The following DCD variants were observed in gnomAD, a reference collection of about 807,000 sequenced individuals.
DCD encodes the protein diffusible survival/evasion peptide.
In DCD, 17 loss-of-function variants were observed where a neutral mutation model predicts 14.5. That is an observed-to-expected ratio of 1.18 (90% CI 0.81 to 1.76). The LOEUF is 1.76. Among genes scored for constraint, DCD ranks in the 40% most tolerant of loss-of-function variants. DCD has a pLI of 0.00. For missense variants in DCD, 139 were observed against 133.4 expected (o/e 1.04, Z -0.21); for synonymous variants, 64 against 54.0 (o/e 1.19, Z -0.82).
In DCD at chr12:54,645,217, T is replaced by C. The variant is rs762324884; in HGVS notation, c.245A>G (p.Lys82Arg). The change falls in exon 4 of 5, where the codon AAA (lysine) becomes AGA (arginine). Residue 82 changes from lysine to arginine, a missense_variant. Transcript: ENST00000293371. ...ATCTTCGACTGCATCTTTTCCTAGTTTTCCGAGTCCCCCCACAGCTTTTTT... is the reference window on the plus strand; with the variant it reads ...ATCTTCGACTGCATCTTTTCCTAGTCTTCCGAGTCCCCCCACAGCTTTTTT... Reference protein sequence around the residue: ...GAKKAVGGLGKLGKDAVEDLE... With the variant: ...GAKKAVGGLGRLGKDAVEDLE... 1 of 1,614,134 alleles carries C rather than the reference T, an allele frequency of 6.2e-7. No individual in the cohort carries two copies. Among genetic ancestry groups the C allele is most frequent in the Non-Finnish European group, 8.5e-7 (1 of 1,180,028 alleles).
rs1323723004 is a variant in DCD at position 54,645,990 on chromosome 12, G to C, written c.98-283C>G. On this transcript the variant is annotated intron_variant, in intron 2 of 4. Transcript: ENST00000293371. ...ATTTTGGCAGAAAGATCACCTTAAA[G>C]AGACTCCCCCTAGTTTTCATCCCTT... 37 of 485,404 alleles carry C rather than the reference G, an allele frequency of 7.6e-5. No homozygotes were observed. In the Admixed American group the frequency reaches 8.5e-4, roughly 11 times the overall value. The allele number at this position is 485,404 out of a possible 1,614,324, so 30.1% of individuals were successfully genotyped here.
At chr12:54,647,292 G>C (rs1165829844) in intron 1 of DCD, 133 bp from the exon 2 acceptor site, 8 of 834,378 alleles carry the variant, frequency 9.6e-6, no homozygotes, top group Non-Finnish European at 1.3e-5. Context: ...AGAAATCTCT[G>C]CTTCACAAGG....
At chr12:54,647,083 C>G (rs1484742166) in intron 2 of DCD, 38 bp downstream of exon 2, 1 of 1,546,548 alleles carries the variant, frequency 6.5e-7, no homozygotes, top group African/African-American at 1.4e-5. Context: ...TTAACCCTCC[C>G]ACCCAGGACT....
rs371634807 is a variant in DCD at position 54,645,221 on chromosome 12, C to T, written c.241G>A (p.Gly81Arg). ...TCGACTGCATCTTTTCCTAGTTTTC[C>T]GAGTCCCCCCACAGCTTTTTTTGCT... ...DGAKKAVGGLGKLGKDAVEDL... is the reference protein window; with the variant it reads ...DGAKKAVGGLRKLGKDAVEDL... Residue 81 changes from glycine to arginine, a missense_variant, in exon 4 of 5, where the codon GGA becomes AGA. By Grantham distance (125) the Gly-to-Arg change is moderately radical. Transcript: ENST00000293371. 103 of 1,613,904 alleles carry T rather than the reference C, an allele frequency of 6.4e-5. No homozygotes were observed. Among genetic ancestry groups the T allele is most frequent in the Non-Finnish European group, 5.8e-5 (68 of 1,180,008 alleles).
At chr12:54,645,009 C>G in intron 4 of DCD, 164 bp downstream of exon 4, 1 of 1,506,144 alleles carries the variant, frequency 6.6e-7, no homozygotes, top group Non-Finnish European at 9.0e-7. Flanking sequence ...CAGGAAGTAT[C>G]AATATCAGAC....
chr12:54,648,206 G>T (rs1958277218), intron 1 of DCD, 40 bp downstream of exon 1: 1 of 1,609,514 alleles, frequency 6.2e-7, no homozygotes, highest in Non-Finnish European at 8.5e-7. Flanking sequence ...CAGTCTTCAG[G>T]GGACTATATG....
chr12:54,647,816 A>C (rs891330486), intron 1 of DCD, among the ~76,000 whole-genome samples: 4 of 152,248 alleles, frequency 2.6e-5, no homozygotes, highest in African/African-American at 9.6e-5. Flanking sequence ...GGGCTTCAGC[A>C]AGCCTGCTGT....
chr12:54,644,627 T>TG lies in DCD; in HGVS notation c.*85_*86insC. 5 of 629,342 alleles carry TG rather than the reference T, an allele frequency of 7.9e-6. No individual in the cohort carries two copies. In the South Asian group the frequency reaches 1.4e-4, roughly 17 times the overall value. The allele number at this position is 629,342 out of a possible 1,614,324, so 39.0% of individuals were successfully genotyped here. ...TTCAGTTTAATAGCTGTTTTAAATT[T>TG]TTTTTTTTTTTTTTTTTTTTAGGTT... On this transcript the variant is annotated 3_prime_UTR_variant, in exon 5 of 5. Transcript: ENST00000293371.
At chr12:54,644,873 G>T in intron 4 of DCD, 117 bp from the exon 5 acceptor site, 1 of 1,551,442 alleles carries the variant, frequency 6.4e-7, no homozygotes, top group Non-Finnish European at 8.7e-7. Flanking sequence ...GGGAGGCCTG[G>T]AGGTGCTTAC....
chr12:54,646,477 G>A (rs1958262078), intron 2 of DCD, among the ~76,000 whole-genome samples: 1 of 152,232 alleles, frequency 6.6e-6, no homozygotes, highest in Non-Finnish European at 1.5e-5. Context: ...TGAAAGGAGA[G>A]ACTGGGACAG....
intron 3 of DCD, 151 bp downstream of exon 3, chr12:54,645,455 A>C: frequency 1.2e-6 from 1 of 815,962 alleles, no homozygotes; most frequent in Non-Finnish European, 2.0e-6. Flanking sequence ...GAAACCCTGT[A>C]TGTAGAAGCA....
chr12:54,647,003 G>A (rs1958266272), intron 2 of DCD, 118 bp downstream of exon 2: 3 of 984,242 alleles, frequency 3.0e-6, no homozygotes, highest in South Asian at 1.7e-5. Context: ...CCTAAAAGTC[G>A]GCCTCCCAAC....
intron 2 of DCD, 24 bp downstream of exon 2, chr12:54,647,097 G>A (rs529990391): frequency 2.6e-6 from 4 of 1,553,376 alleles, no homozygotes; most frequent in Admixed American, 3.9e-5. Flanking sequence ...CAGGACTGGG[G>A]CAGGAGGAAG....
intron 3 of DCD, 70 bp downstream of exon 3, chr12:54,645,536 G>T: frequency 7.1e-7 from 1 of 1,401,882 alleles, no homozygotes; most frequent in South Asian, 1.2e-5. Flanking sequence ...TGTGAGGGCA[G>T]ACTGGCCCCC....
At chr12:54,645,548 G>T in intron 3 of DCD, 58 bp downstream of exon 3, 1 of 1,479,660 alleles carries the variant, frequency 6.8e-7, no homozygotes, top group Non-Finnish European at 9.4e-7. Flanking sequence ...CTGGCCCCCA[G>T]ATATCTTGCT....
chr12:54,645,790 C>A (rs972372256), intron 2 of DCD, 83 bp from the exon 3 acceptor site: 162 of 1,171,474 alleles, frequency 1.4e-4, no homozygotes, highest in Non-Finnish European at 2.0e-4. Flanking sequence ...CTTTTACCCC[C>A]TCAAGGTCTG....
At chr12:54,646,578 A>G (rs1169728444) in intron 2 of DCD, among the ~76,000 whole-genome samples, 3 of 152,104 alleles carry the variant, frequency 2.0e-5, no homozygotes, top group Admixed American at 6.5e-5. Flanking sequence ...TTGAAAAGGT[A>G]CCCAGGAAGA....
At chr12:54,648,189 C>T in intron 1 of DCD, 57 bp downstream of exon 1, 1 of 1,594,422 alleles carries the variant, frequency 6.3e-7, no homozygotes, top group Non-Finnish European at 8.6e-7. Context: ...GAAATGAAGG[C>T]AGGGCCCAGT....
In DCD at chr12:54,645,165, A is replaced by C. The variant is rs1958247462; in HGVS notation, c.289+8T>G. The stretch of plus-strand genomic sequence containing the variant: ...GGTCCTGAGGGAGGAGTGGGGACAT[A>C]TACTCACCTTTACCCACGCTTTCTA... On this transcript the variant is annotated splice_region_variant and intron_variant, in intron 4 of 4. Coordinates refer to ENST00000293371, the MANE Select transcript of DCD (RefSeq NM_053283.4). 6.2e-7 allele frequency: 1 copy of C among 1,613,570 alleles called. No individual in the cohort carries two copies. Among genetic ancestry groups the C allele is most frequent in the African/African-American group, 1.3e-5 (1 of 74,950 alleles).
Sources: allele counts gnomAD v4.1 joint callset (sites outside exome capture counted in the v4.1 genomes callset), GRCh38; gene constraint gnomAD v4.1.1; transcripts MANE v1.5; gene names NCBI Gene and HGNC (gene_info 2026-07-23, HGNC 2026-07-21).